MRTFA: variants seen among roughly 807,000 people sequenced by gnomAD.
MRTFA encodes myocardin related transcription factor A, also known as myocardin-related transcription factor A.
MRTFA carries 20 observed loss-of-function variants against 83.5 expected under a neutral mutation model. The ratio of observed to expected loss-of-function variants is 0.24; its 90% confidence interval spans 0.17 to 0.35. MRTFA has a LOEUF of 0.35. Ranked by LOEUF, MRTFA falls within the 10% of genes least tolerant of loss-of-function variation. The pLI, the probability that MRTFA is intolerant of heterozygous loss-of-function variation, is 1.00. For synonymous variants in MRTFA, 659 were observed against 541.2 expected, an observed-to-expected ratio of 1.22 and a Z score of -3.02; for missense variants, 1,200 against 1,224.7, an observed-to-expected ratio of 0.98 and a Z score of 0.30.
intron 1 of MRTFA, among the ~76,000 whole-genome samples, chr22:40,613,306 A>G (rs1484646047): frequency 2.6e-5 from 4 of 152,134 alleles, no homozygotes; most frequent in African/African-American, 7.2e-5. Flanking sequence ...GAACATTCAC[A>G]TGGTTTTTTG....
At chr22:40,629,614 C>G (rs767794823) in intron 1 of MRTFA, among the ~76,000 whole-genome samples, 1 of 149,134 alleles carries the variant, frequency 6.7e-6, no homozygotes, top group Non-Finnish European at 1.5e-5. Flanking sequence ...AAAATATATA[C>G]ATATACAAAA....
Position 40,470,960 on chromosome 22 carries a change from C to G in MRTFA, c.242-7674G>C, listed in dbSNP as rs565679732. Among the ~76,000 whole-genome samples the G allele has an allele frequency of 1.7e-4, 25 of 151,336 alleles. 2 individuals are homozygous for G. In the South Asian group the frequency reaches 3.8e-3, roughly 23 times the overall value. On this transcript the variant is annotated intron_variant, in intron 3 of 14. Transcript: ENST00000355630. ...CGAGATTCCGTCTCAAAAAACAAAACAAAACAAAAAACAAAAACAACAGAG... is the reference window on the plus strand; with the variant it reads ...CGAGATTCCGTCTCAAAAAACAAAAGAAAACAAAAAACAAAAACAACAGAG...
At position 40,411,887 on chromosome 22, in the gene MRTFA, C is replaced by T; in HGVS notation, c.2599G>A (p.Glu867Lys). Residue 867 changes from glutamate to lysine, a missense_variant, in exon 15 of 15, where the codon GAG becomes AAG. By Grantham distance (56) the Glu-to-Lys change is moderately conservative (BLOSUM62 1). Coordinates refer to ENST00000355630, the MANE Select transcript of MRTFA (RefSeq NM_020831.6). The stretch of plus-strand genomic sequence containing the variant: ...TCCTTCCCTGGCAGGGATGGCGGCT[C>T]CTTGAAATCTGCTGAAATTTCTGCC... 1 of 1,477,974 alleles carries T rather than the reference C, an allele frequency of 6.8e-7. No individual in the cohort carries two copies. Among genetic ancestry groups the T allele is most frequent in the Non-Finnish European group, 9.0e-7 (1 of 1,112,406 alleles). 91.6% of individuals were successfully genotyped at this position (1,477,974 alleles called of 1,614,324 possible). A position where few individuals can be genotyped will look rare whatever the true frequency, so the allele number is the denominator to read the frequency against.
chr22:40,616,678 A>C (rs960191557), intron 1 of MRTFA, among the ~76,000 whole-genome samples: 6 of 152,176 alleles, frequency 3.9e-5, no homozygotes, highest in Non-Finnish European at 7.3e-5. Flanking sequence ...CATTTACAGA[A>C]ATGGGGAACG....
At chr22:40,560,207 A>C (rs1179842180) in intron 2 of MRTFA, among the ~76,000 whole-genome samples, 1 of 152,220 alleles carries the variant, frequency 6.6e-6, no homozygotes, top group Non-Finnish European at 1.5e-5. Flanking sequence ...TTAGGTATTT[A>C]GAAATTCATT....
chr22:40,420,751 T>C, intron 10 of MRTFA, 96 bp downstream of exon 10: 4 of 1,570,458 alleles, frequency 2.5e-6, no homozygotes, highest in Non-Finnish European at 2.6e-6. Context: ...AGCGGGTCCT[T>C]AAAGATGTGA....
At chr22:40,551,097 G>A (rs968014166) in intron 3 of MRTFA, among the ~76,000 whole-genome samples, 3 of 151,578 alleles carry the variant, frequency 2.0e-5, no homozygotes, top group Non-Finnish European at 2.9e-5. Flanking sequence ...GGATCCGCCC[G>A]CCTCGGCCTC....
intron 1 of MRTFA, among the ~76,000 whole-genome samples, chr22:40,595,863 CTTTTTTTTTT>C (rs35215701): frequency 3.8e-5 from 3 of 78,108 alleles, no homozygotes; most frequent in African/African-American, 1.5e-4. Flanking sequence ...TATCTAAAGT[CTTTTTTTTTT>C]TTTTTTTTTT....
At chr22:40,466,442 C>T (rs892688257) in intron 3 of MRTFA, among the ~76,000 whole-genome samples, 3 of 152,140 alleles carry the variant, frequency 2.0e-5, no homozygotes, top group Non-Finnish European at 2.9e-5. Context: ...AACTAGGATT[C>T]GTACCCACAT....
At chr22:40,620,655 C>A (rs1019306923) in intron 1 of MRTFA, among the ~76,000 whole-genome samples, 1 of 151,982 alleles carries the variant, frequency 6.6e-6, no homozygotes, top group Non-Finnish European at 1.5e-5. Flanking sequence ...GCAGGACAAC[C>A]TCTTAGTCAT....
At chr22:40,495,255 G>A (rs1262826187) in intron 3 of MRTFA, among the ~76,000 whole-genome samples, 2 of 151,732 alleles carry the variant, frequency 1.3e-5, no homozygotes, top group Admixed American at 6.6e-5. Flanking sequence ...ACACCGTCTC[G>A]AGATCACAGT....
In MRTFA at chr22:40,470,229, TTTTATATATATATATA is replaced by T. The variant is rs1271753583; in HGVS notation, c.242-6959_242-6944del. Among the ~76,000 whole-genome samples, 24 of 58,764 alleles carry T rather than the reference TTTTATATATATATATA, an allele frequency of 4.1e-4. No individual in the cohort carries two copies. The East Asian group carries it at 4.4e-3, about 11-fold the overall frequency. 38.6% of individuals were successfully genotyped at this position (58,764 alleles called of 152,430 possible). On this transcript the variant is annotated intron_variant, in intron 3 of 14. Coordinates refer to ENST00000355630, the MANE Select transcript of MRTFA (RefSeq NM_020831.6). The stretch of plus-strand genomic sequence containing the variant: ...ACACAGCAAGACCCCATCTCCAAAA[TTTTATATATATATATA>T]TATATATATATATATATATATATAT...
chr22:40,452,875 T>A (rs1051640033), intron 4 of MRTFA, among the ~76,000 whole-genome samples: 1 of 151,660 alleles, frequency 6.6e-6, no homozygotes, highest in African/African-American at 2.4e-5. Context: ...CATGGTTGGA[T>A]TCTTCTTCGG....
rs924633471 is a variant in MRTFA, at chr22:40,411,056, G to GCTT, written c.*331_*333dup. On this transcript the variant is annotated 3_prime_UTR_variant, in exon 15 of 15. Transcript: ENST00000355630. ...GAAGAGAAGCCTCCCGCCTGGCCAGGCTTCACCTACCTTAGCCAAATTGTA... is the reference window on the plus strand; with the variant it reads ...GAAGAGAAGCCTCCCGCCTGGCCAGGCTTCTTCACCTACCTTAGCCAAATTGTA... The GCTT allele has an allele frequency of 3.7e-6, 1 of 271,196 alleles. No individual in the cohort carries two copies. The highest frequency in any genetic ancestry group is 2.1e-5 in the African/African-American group (1 of 46,616). The allele number at this position is 271,196 out of a possible 1,614,324, so 16.8% of individuals were successfully genotyped here. A position where few individuals can be genotyped will look rare whatever the true frequency, so the allele number is the denominator to read the frequency against.
intron 3 of MRTFA, among the ~76,000 whole-genome samples, chr22:40,484,374 G>A (rs2054141071): frequency 6.6e-6 from 1 of 151,980 alleles, no homozygotes; most frequent in South Asian, 2.1e-4. Flanking sequence ...TGTTGGAATG[G>A]GTTAAAATTC....
chr22:40,464,074 G>A (rs1415650977), intron 3 of MRTFA, among the ~76,000 whole-genome samples: 12 of 151,896 alleles, frequency 7.9e-5, no homozygotes, highest in East Asian at 3.8e-4. Flanking sequence ...AGACCGAGGC[G>A]GGCGGATCAC....
At chr22:40,629,959 T>C (rs2056624435) in intron 1 of MRTFA, among the ~76,000 whole-genome samples, 1 of 151,844 alleles carries the variant, frequency 6.6e-6, no homozygotes, top group Non-Finnish European at 1.5e-5. Flanking sequence ...CACTAATACC[T>C]AGAATGAGAA....
At chr22:40,484,775 C>G (rs1458997879) in intron 3 of MRTFA, among the ~76,000 whole-genome samples, 1 of 152,004 alleles carries the variant, frequency 6.6e-6, no homozygotes, top group Non-Finnish European at 1.5e-5. Context: ...AATTCCAGCT[C>G]AAAATCTAAA....
chr22:40,500,368 TTTTTTATTTTTTTTATA>T (rs1820701716), intron 3 of MRTFA, among the ~76,000 whole-genome samples: 2 of 149,144 alleles, frequency 1.3e-5, no homozygotes, highest in South Asian at 2.1e-4. Flanking sequence ...TAACATTTCA[TTTTTTATTTTTTTTATA>T]TTTTTATTTT....
Sources: allele counts gnomAD v4.1 joint callset (sites outside exome capture counted in the v4.1 genomes callset), GRCh38; gene constraint gnomAD v4.1.1; transcripts MANE v1.5; gene names NCBI Gene and HGNC (gene_info 2026-07-23, HGNC 2026-07-21).